FANCC: variants seen among roughly 807,000 people sequenced by gnomAD.
FANCC encodes the protein FA complementation group C.
Under a neutral mutation model 71.3 loss-of-function variants are expected in FANCC, and 55 were observed. The observed-to-expected ratio is 0.77, with a 90% confidence interval of 0.62 to 0.97. FANCC has a LOEUF of 0.97. FANCC is among the 50% of genes least tolerant of loss of function. FANCC has a pLI of 0.00. For missense variants in FANCC, 678 were observed against 670.9 expected (o/e 1.01, Z -0.12); for synonymous variants, 275 against 244.9 (o/e 1.12, Z -1.15).
At chr9:95,172,422 G>C (rs1825747840) in intron 4 of FANCC, among the ~76,000 whole-genome samples, 1 of 152,054 alleles carries the variant, frequency 6.6e-6, no homozygotes, top group African/African-American at 2.4e-5. Context: ...ATTAAGAATG[G>C]AATCTTTATT....
chr9:95,137,019 T>C (rs1827800633), intron 7 of FANCC, among the ~76,000 whole-genome samples: 2 of 152,008 alleles, frequency 1.3e-5, no homozygotes, highest in Admixed American at 6.5e-5. Flanking sequence ...CTTTTCAAAC[T>C]TGATGTCTAT....
At chr9:95,260,528 G>A (rs1231129536) in intron 1 of FANCC, among the ~76,000 whole-genome samples, 7 of 151,926 alleles carry the variant, frequency 4.6e-5, no homozygotes, top group African/African-American at 9.7e-5. Context: ...ATCACACACC[G>A]GGGCCTGTCA....
chr9:95,172,221 A>G (rs952293390), intron 4 of FANCC, 74 bp from the exon 5 acceptor site: 1 of 923,928 alleles, frequency 1.1e-6, no homozygotes, highest in East Asian at 2.5e-5. Flanking sequence ...AATGCCTACA[A>G]TTTATTTGTA....
chr9:95,169,912 C>T (rs1282584225), intron 6 of FANCC, among the ~76,000 whole-genome samples: 1 of 152,164 alleles, frequency 6.6e-6, no homozygotes, highest in Non-Finnish European at 1.5e-5. Context: ...TTGCTCATTT[C>T]TATAACGGAG....
Position 95,172,116 on chromosome 9 carries a change from C to A in FANCC, c.377G>T (p.Arg126Ile). 1 of 1,612,778 alleles carries A rather than the reference C, an allele frequency of 6.2e-7. No individual in the cohort carries two copies. Among genetic ancestry groups the A allele is most frequent in the Non-Finnish European group, 8.5e-7 (1 of 1,178,950 alleles). ...GAAAAGAGCAACTTCTTTATCAAAT[C>A]TGAGTGCTGAAAGTATATGAGATAA... is the stretch of plus-strand genomic sequence containing the variant. Reference protein sequence around the residue: ...GVLSHILSALRFDKEVALFTQ... With the variant: ...GVLSHILSALIFDKEVALFTQ... Residue 126 changes from arginine to isoleucine, a missense_variant, in exon 5 of 15, where the codon AGA (arginine) becomes ATA (isoleucine). Physicochemically the swap from Arg to Ile is moderately conservative, Grantham distance 97. Coordinates refer to ENST00000289081, the MANE Select transcript of FANCC (RefSeq NM_000136.3).
chr9:95,181,334 G>C (rs1381525216), intron 4 of FANCC, among the ~76,000 whole-genome samples: 1 of 152,046 alleles, frequency 6.6e-6, no homozygotes, highest in Non-Finnish European at 1.5e-5. Context: ...ATATGGTTAC[G>C]TAGTTTTCAA....
At chr9:95,152,730 T>C (rs559317873) in intron 6 of FANCC, among the ~76,000 whole-genome samples, 15 of 152,176 alleles carry the variant, frequency 9.9e-5, no homozygotes, top group Admixed American at 5.2e-4. Context: ...TTTTAATGCA[T>C]CCATCACCCG....
chr9:95,258,168 G>A (rs954263765), intron 1 of FANCC, among the ~76,000 whole-genome samples: 6 of 152,128 alleles, frequency 3.9e-5, no homozygotes, highest in Admixed American at 2.0e-4. Context: ...GAAAAAGAGG[G>A]ACTCTTCCCT....
At chr9:95,295,814 G>A (rs1834334425) in intron 1 of FANCC, among the ~76,000 whole-genome samples, 1 of 151,974 alleles carries the variant, frequency 6.6e-6, no homozygotes, top group Admixed American at 6.6e-5. Flanking sequence ...GCCAGGGGCT[G>A]GCAGGAGGGG....
In FANCC at chr9:95,140,862, C is replaced by T. The variant is rs552092799; in HGVS notation, c.687-5360G>A. On this transcript the variant is annotated intron_variant, in intron 7 of 14. Coordinates refer to ENST00000289081, the MANE Select transcript of FANCC (RefSeq NM_000136.3). ...TCATCTGCATGTACAGAGCAGCTCA[C>T]TTCTCAAAAGGCAGCCACCAACAAG... Among the ~76,000 whole-genome samples the T allele has an allele frequency of 4.6e-5, 7 of 152,246 alleles. No homozygotes were observed. In the East Asian group the frequency reaches 1.2e-3, roughly 25 times the overall value.
chr9:95,243,524 C>T (rs1211334889), intron 3 of FANCC, among the ~76,000 whole-genome samples: 1 of 152,076 alleles, frequency 6.6e-6, no homozygotes, highest in Admixed American at 6.6e-5. Flanking sequence ...GTGGTTCACA[C>T]CTGTAATCCC....
chr9:95,144,803 C>T (rs917353271), intron 7 of FANCC, among the ~76,000 whole-genome samples: 3 of 152,258 alleles, frequency 2.0e-5, no homozygotes, highest in Middle Eastern at 3.4e-3. Flanking sequence ...GGCCGTGAAG[C>T]GTGTGCTCCA....
chr9:95,103,999 G>C (rs762776962), intron 14 of FANCC, among the ~76,000 whole-genome samples: 5 of 152,180 alleles, frequency 3.3e-5, no homozygotes, highest in Admixed American at 3.3e-4. Context: ...GGCTGCGCTC[G>C]TGCTAGGTCC....
chr9:95,184,508 A>G lies in FANCC; in HGVS notation c.346-12361T>C, dbSNP rs1419915344. Among the ~76,000 whole-genome samples the G allele has an allele frequency of 3.3e-5, 5 of 152,198 alleles. No individual in the cohort carries two copies. The East Asian group carries it at 9.6e-4, about 29-fold the overall frequency. ...AAAGCATTACATGACAAGACAGCAA[A>G]GAAGATTCGTGTTACAAAACTGTTA... On this transcript the variant is annotated intron_variant, in intron 4 of 14. Transcript: ENST00000289081.
intron 1 of FANCC, among the ~76,000 whole-genome samples, chr9:95,284,898 AC>A (rs1381814264): frequency 9.9e-5 from 15 of 151,768 alleles, no homozygotes; most frequent in Non-Finnish European, 2.2e-4. Context: ...ACACACACAC[AC>A]ACACAAACAT....
chr9:95,217,215 G>C (rs749574381), intron 4 of FANCC, among the ~76,000 whole-genome samples: 2 of 152,136 alleles, frequency 1.3e-5, no homozygotes, highest in Admixed American at 6.6e-5. Flanking sequence ...GCCGGGCCTG[G>C]GGGCTCACAC....
intron 4 of FANCC, among the ~76,000 whole-genome samples, chr9:95,214,484 A>G (rs1312234650): frequency 1.3e-5 from 2 of 152,172 alleles, no homozygotes; most frequent in Non-Finnish European, 2.9e-5. Context: ...CAGATGATCC[A>G]GCAATTCCAC....
At chr9:95,252,421 A>T (rs1831404567) in intron 1 of FANCC, among the ~76,000 whole-genome samples, 1 of 152,050 alleles carries the variant, frequency 6.6e-6, no homozygotes, top group Non-Finnish European at 1.5e-5. Flanking sequence ...GAACTTTTTG[A>T]TAAAAGAGAC....
chr9:95,191,406 C>T (rs1302828977), intron 4 of FANCC, among the ~76,000 whole-genome samples: 1 of 135,148 alleles, frequency 7.4e-6, no homozygotes, highest in Non-Finnish European at 1.5e-5. Flanking sequence ...GATCTTGGTT[C>T]ACTGCAGCCA....
Sources: allele counts gnomAD v4.1 joint callset (sites outside exome capture counted in the v4.1 genomes callset), GRCh38; gene constraint gnomAD v4.1.1; transcripts MANE v1.5; gene names NCBI Gene and HGNC (gene_info 2026-07-23, HGNC 2026-07-21).